UNC13C: variants seen among roughly 807,000 people sequenced by gnomAD.
UNC13C encodes unc-13 homolog C.
A neutral mutation model predicts 245.4 loss-of-function variants in UNC13C; 174 were observed. That is an observed-to-expected ratio of 0.71 (90% confidence interval 0.63 to 0.80). The LOEUF is 0.80. Among genes scored for constraint, UNC13C ranks in the 30% least tolerant of loss-of-function variants. The pLI is 0.00. For missense variants in UNC13C, 2,829 were observed against 2,602.9 expected, an observed-to-expected ratio of 1.09 and a Z score of -1.89; for synonymous variants, 992 against 895.1, an observed-to-expected ratio of 1.11 and a Z score of -1.93.
At chr15:53,890,940 T>G in the UNC13C span, among the ~76,000 whole-genome samples, 21,046 of 152,208 alleles carry the variant, frequency 0.14, 1,750 homozygotes, top group South Asian at 0.19. Context: ...TTCCTAGTTC[T>G]TTTAATTTTG....
intron 17 of UNC13C, among the ~76,000 whole-genome samples, chr15:54,341,138 A>G (rs1188224696): frequency 1.3e-5 from 2 of 152,180 alleles, no homozygotes; most frequent in Non-Finnish European, 1.5e-5. Context: ...TTTTTCTACT[A>G]AAAAGATAAA....
intron 2 of UNC13C, among the ~76,000 whole-genome samples, chr15:54,082,689 T>G (rs533884416): frequency 1.3e-5 from 2 of 152,334 alleles, no homozygotes; most frequent in South Asian, 2.1e-4. Context: ...CTACTCATCT[T>G]AAGGAACCGT....
chr15:54,210,860 G>A (rs1024251186), intron 4 of UNC13C, among the ~76,000 whole-genome samples: 3 of 152,098 alleles, frequency 2.0e-5, no homozygotes, highest in Non-Finnish European at 4.4e-5. Context: ...GGGCCTTTGT[G>A]GATGCAGGAC....
chr15:53,978,254 T>A (rs1893777357), upstream of UNC13C, among the ~76,000 whole-genome samples: 1 of 152,244 alleles, frequency 6.6e-6, no homozygotes, highest in East Asian at 1.9e-4. Flanking sequence ...GCGATGAAGC[T>A]GTGTCCCACA....
At position 54,382,802 on chromosome 15, in the gene UNC13C, A is replaced by G. The variant is rs114255889; in HGVS notation, c.4714-10246A>G. On this transcript the variant is annotated intron_variant, in intron 17 of 32. Coordinates refer to ENST00000260323, the MANE Select transcript of UNC13C (RefSeq NM_001080534.3). The stretch of plus-strand genomic sequence containing the variant: ...TTAAACATTTGATAAACTGATAACT[A>G]GACTACCCAAGAAAAAAAGCAAGAA... Among the ~76,000 whole-genome samples the G allele has an allele frequency of 9.4e-3, 1,434 of 152,206 alleles. 30 individuals carry two copies. Among genetic ancestry groups the G allele is most frequent in the African/African-American group, 0.033 (1,360 of 41,558 alleles).
intron 10 of UNC13C, among the ~76,000 whole-genome samples, chr15:54,276,020 A>G (rs1596128539): frequency 6.6e-6 from 1 of 152,132 alleles, no homozygotes; most frequent in Non-Finnish European, 1.5e-5. Flanking sequence ...CAGAATTCAG[A>G]CAGGAATTCT....
rs11856987 is a variant in UNC13C, at chr15:54,332,115, T to C, written c.4494+4T>C. On this transcript the variant is annotated splice_donor_region_variant and intron_variant, in intron 15 of 32. Coordinates refer to ENST00000260323, the MANE Select transcript of UNC13C (RefSeq NM_001080534.3). ...GATTGATCTGTCAAAGTATAGGGTA[T>C]GTACAAATTTACTTGCCTAAAAGAA... 1 of 1,542,578 alleles carries C rather than the reference T, an allele frequency of 6.5e-7. No homozygotes were observed. The highest frequency in any genetic ancestry group is 8.8e-7 in the Non-Finnish European group (1 of 1,141,902).
intron 8 of UNC13C, among the ~76,000 whole-genome samples, chr15:54,258,057 A>C (rs1356688757): frequency 6.6e-6 from 1 of 152,172 alleles, no homozygotes; most frequent in Non-Finnish European, 1.5e-5. Flanking sequence ...AGAAAGGAAT[A>C]CAAAAATCCC....
chr15:53,915,505 A>G, the UNC13C span, among the ~76,000 whole-genome samples: 1 of 152,230 alleles, frequency 6.6e-6, no homozygotes, highest in Non-Finnish European at 1.5e-5. Context: ...TACAGCACTT[A>G]TGACCAATGA....
At chr15:54,307,557 G>A (rs1161207192) in intron 13 of UNC13C, among the ~76,000 whole-genome samples, 1 of 151,928 alleles carries the variant, frequency 6.6e-6, no homozygotes, top group Non-Finnish European at 1.5e-5. Context: ...TCCTGATTTA[G>A]GGGGAAGAGA....
chr15:54,277,474 T>C (rs2036862392), intron 10 of UNC13C, among the ~76,000 whole-genome samples: 1 of 152,158 alleles, frequency 6.6e-6, no homozygotes, highest in Admixed American at 6.5e-5. Context: ...TACCACTAAC[T>C]CTGGGGGAAC....
intron 10 of UNC13C, among the ~76,000 whole-genome samples, chr15:54,287,633 G>A (rs185966012): frequency 6.6e-6 from 1 of 152,080 alleles, no homozygotes; most frequent in Non-Finnish European, 1.5e-5. Flanking sequence ...ATGTTTCAGG[G>A]TAGTAAAGGG....
intron 25 of UNC13C, among the ~76,000 whole-genome samples, chr15:54,529,150 G>A (rs906115180): frequency 2.6e-5 from 4 of 152,170 alleles, no homozygotes; most frequent in African/African-American, 9.7e-5. Context: ...AGAGGGGCAA[G>A]AATGGTGTTG....
rs536601601 is a variant in UNC13C at position 54,389,693 on chromosome 15, A to T, written c.4714-3355A>T. Among the ~76,000 whole-genome samples the T allele has an allele frequency of 3.3e-5, 5 of 151,698 alleles. No individual in the cohort carries two copies. The South Asian group carries it at 1.0e-3, about 32-fold the overall frequency. ...TATTCAAATATAGTAGGCATCTGTC[A>T]TGTGGTTTTGTGTGTACACAGCCTG... On this transcript the variant is annotated intron_variant, in intron 17 of 32. Transcript: ENST00000260323.
chr15:54,597,966 C>G (rs1899191051), intron 30 of UNC13C, among the ~76,000 whole-genome samples: 1 of 152,072 alleles, frequency 6.6e-6, no homozygotes, highest in Admixed American at 6.6e-5. Context: ...ATTATTGGAG[C>G]TACCTAGCAA....
At chr15:54,585,410 C>T (rs1425444386) in intron 30 of UNC13C, among the ~76,000 whole-genome samples, 1 of 152,140 alleles carries the variant, frequency 6.6e-6, no homozygotes, top group East Asian at 1.9e-4. Flanking sequence ...CCTTAGGCCT[C>T]AAAAGAAGCA....
chr15:54,300,253 T>A lies in UNC13C; in HGVS notation c.4148T>A (p.Val1383Glu). The A allele has an allele frequency of 6.3e-7, 1 of 1,599,554 alleles. No individual in the cohort carries two copies. Among genetic ancestry groups the A allele is most frequent in the Non-Finnish European group, 8.5e-7 (1 of 1,172,420 alleles). The change falls in exon 13 of 33, where the codon GTG becomes GAG. Residue 1383 changes from valine (V) to glutamate (E), a missense_variant. Val to Glu is a moderately radical substitution (Grantham distance 121). Transcript: ENST00000260323. ...ACTGAAGTGAAATCTAATGGTGGAG[T>A]GAAAATCCCAGAAGTCAAAGGGGAT... ...YLTEVKSNGG[V>E]KIPEVKGDEA...
intron 17 of UNC13C, among the ~76,000 whole-genome samples, chr15:54,373,680 C>T (rs973216407): frequency 6.6e-6 from 1 of 152,214 alleles, no homozygotes; most frequent in Non-Finnish European, 1.5e-5. Context: ...AGCTTCTAGT[C>T]TGGGTTCCCC....
At chr15:54,390,914 G>A (rs1000637176) in intron 17 of UNC13C, among the ~76,000 whole-genome samples, 2 of 151,898 alleles carry the variant, frequency 1.3e-5, no homozygotes, top group Non-Finnish European at 2.9e-5. Flanking sequence ...ATAGTATTGT[G>A]TGCTATATAA....
Sources: allele counts gnomAD v4.1 joint callset (sites outside exome capture counted in the v4.1 genomes callset), GRCh38; gene constraint gnomAD v4.1.1; transcripts MANE v1.5; gene names NCBI Gene and HGNC (gene_info 2026-07-23, HGNC 2026-07-21).